LRP1B: variants seen among roughly 807,000 people sequenced by gnomAD.
LRP1B encodes LDL receptor related protein 1B.
Under a neutral mutation model 556.6 loss-of-function variants are expected in LRP1B, and 217 were observed. The observed-to-expected ratio is 0.39, with a 90% CI of 0.35 to 0.44. LRP1B has a LOEUF of 0.44. LRP1B is among the 20% of genes least tolerant of loss of function. The pLI is 1.00. For missense variants in LRP1B, 5,053 were observed against 5,620.8 expected (o/e 0.90, Z 3.23); for synonymous variants, 2,047 against 1,865.8 (o/e 1.10, Z -2.50).
intron 1 of LRP1B, among the ~76,000 whole-genome samples, chr2:141,845,196 C>T (rs1051628272): frequency 6.6e-6 from 1 of 151,490 alleles, no homozygotes; most frequent in Non-Finnish European, 1.5e-5. Flanking sequence ...AGATAGAAAA[C>T]AATGACTGAA....
intron 9 of LRP1B, among the ~76,000 whole-genome samples, chr2:141,055,983 GAAAT>G (rs1278795968): frequency 1.6e-4 from 24 of 151,588 alleles, no homozygotes; most frequent in Non-Finnish European, 3.1e-4. Context: ...AAAGTGAAAA[GAAAT>G]AATAGGAATA....
chr2:141,445,316 C>G (rs1681145919), intron 3 of LRP1B, among the ~76,000 whole-genome samples: 4 of 152,110 alleles, frequency 2.6e-5, no homozygotes, highest in Admixed American at 2.0e-4. Flanking sequence ...ATTCTTCTCT[C>G]TTTTCTTCTT....
At position 141,015,688 on chromosome 2, in the gene LRP1B, T is replaced by G. The variant is rs1253884028; in HGVS notation, c.2190+8A>C. The G allele has an allele frequency of 1.2e-6, 2 of 1,601,744 alleles. No homozygotes were observed. The highest frequency in any genetic ancestry group is 1.7e-6 in the Non-Finnish European group (2 of 1,169,888). On this transcript the variant is annotated splice_region_variant and intron_variant, in intron 13 of 90. Coordinates refer to ENST00000389484, the MANE Select transcript of LRP1B (RefSeq NM_018557.3). ...TGTGGGTTAAAAACAGCAGCATTTG[T>G]CTTTTACCTTCCTGTGAGTCCCATT... is the stretch of plus-strand genomic sequence containing the variant.
chr2:141,046,436 T>A (rs1316248920), intron 11 of LRP1B, among the ~76,000 whole-genome samples: 1 of 152,172 alleles, frequency 6.6e-6, no homozygotes, highest in Non-Finnish European at 1.5e-5. Flanking sequence ...CATATTGTAA[T>A]GTGTATCATT....
At chr2:141,736,448 GAC>G (rs373425729) in intron 2 of LRP1B, among the ~76,000 whole-genome samples, 13 of 152,110 alleles carry the variant, frequency 8.5e-5, no homozygotes, top group African/African-American at 2.9e-4. Flanking sequence ...GAGAAATTTG[GAC>G]ACAGAGACAC....
chr2:142,089,712 A>C (rs922200057), intron 1 of LRP1B, among the ~76,000 whole-genome samples: 1 of 152,212 alleles, frequency 6.6e-6, no homozygotes, highest in Non-Finnish European at 1.5e-5. Context: ...GAAAGTAGGG[A>C]GGCAATGAAG....
chr2:141,989,272 C>A (rs955763720), intron 1 of LRP1B, among the ~76,000 whole-genome samples: 2 of 85,050 alleles, frequency 2.4e-5, no homozygotes, highest in Admixed American at 1.3e-4. Context: ...TCTAGAAAAG[C>A]AATAACTGTA....
intron 14 of LRP1B, among the ~76,000 whole-genome samples, chr2:141,007,484 T>A (rs1051315438): frequency 1.2e-4 from 18 of 149,244 alleles, no homozygotes; most frequent in African/African-American, 4.4e-4. Context: ...TAATTAAGCC[T>A]AATACAGGGT....
chr2:140,964,858 G>A (rs1365409852), intron 18 of LRP1B, among the ~76,000 whole-genome samples: 1 of 152,178 alleles, frequency 6.6e-6, no homozygotes, highest in Non-Finnish European at 1.5e-5. Context: ...GGAGGCTGAG[G>A]CAGGAGAATC....
intron 81 of LRP1B, 63 bp from the exon 82 acceptor site, chr2:140,322,151 AAAATT>A (rs1680173920): frequency 1.4e-6 from 2 of 1,465,504 alleles, no homozygotes; most frequent in Non-Finnish European, 1.9e-6. Context: ...TCAAAAGCAT[AAAATT>A]AAATAAGGCG....
chr2:141,614,598 A>G (rs1384308028), intron 2 of LRP1B, among the ~76,000 whole-genome samples: 3 of 152,218 alleles, frequency 2.0e-5, no homozygotes, highest in Non-Finnish European at 2.9e-5. Context: ...CACACAAAGA[A>G]AACACAACAT....
intron 1 of LRP1B, among the ~76,000 whole-genome samples, chr2:141,928,219 T>G (rs1211202329): frequency 6.6e-6 from 1 of 152,190 alleles, no homozygotes; most frequent in Non-Finnish European, 1.5e-5. Flanking sequence ...AGGAACAATA[T>G]TTAAAGGATT....
intron 1 of LRP1B, among the ~76,000 whole-genome samples, chr2:142,052,395 T>C (rs1385542447): frequency 2.0e-5 from 3 of 152,096 alleles, no homozygotes; most frequent in Non-Finnish European, 4.4e-5. Context: ...AAAACCTATA[T>C]GGTACCTGCT....
chr2:140,236,855 A>G (rs1680727029), intron 89 of LRP1B, among the ~76,000 whole-genome samples: 1 of 151,028 alleles, frequency 6.6e-6, no homozygotes, highest in African/African-American at 2.4e-5. Flanking sequence ...CTGTGTATCT[A>G]GATTTGCTAA....
intron 18 of LRP1B, among the ~76,000 whole-genome samples, chr2:140,962,170 A>G (rs1249529228): frequency 6.6e-6 from 1 of 152,246 alleles, no homozygotes; most frequent in African/African-American, 2.4e-5. Flanking sequence ...ATTTACATAT[A>G]CAAAAGCAGA....
intron 2 of LRP1B, among the ~76,000 whole-genome samples, chr2:141,609,477 C>T (rs992596288): frequency 5.9e-5 from 9 of 152,172 alleles, no homozygotes; most frequent in Non-Finnish European, 1.3e-4. Context: ...TCTTAAATAA[C>T]TCCATCAGCA....
At chr2:141,768,843 G>C (rs1341034016) in intron 2 of LRP1B, among the ~76,000 whole-genome samples, 6 of 151,702 alleles carry the variant, frequency 4.0e-5, no homozygotes, top group African/African-American at 1.5e-4. Flanking sequence ...TAGGGTTATA[G>C]TAGGTATCAC....
intron 1 of LRP1B, among the ~76,000 whole-genome samples, chr2:141,818,774 G>C (rs1014876011): frequency 8.6e-5 from 13 of 150,922 alleles, no homozygotes; most frequent in African/African-American, 2.9e-4. Flanking sequence ...CTGACCTCGT[G>C]ATCTGCCCGC....
chr2:140,800,619 T>C (rs1279300260), intron 32 of LRP1B, among the ~76,000 whole-genome samples: 1 of 152,212 alleles, frequency 6.6e-6, no homozygotes, highest in African/African-American at 2.4e-5. Context: ...ATAATAATGT[T>C]GTTCGGCCTG....
Sources: gnomAD v4.1 joint callset for allele counts (sites outside exome capture counted in the v4.1 genomes callset) on GRCh38, gnomAD v4.1.1 for gene constraint, MANE v1.5 for transcripts, NCBI Gene and HGNC (gene_info 2026-07-23, HGNC 2026-07-21) for gene names.